Variants in ERP44 observed in about 807,000 individuals in gnomAD.
ERP44 encodes the protein endoplasmic reticulum resident protein 44.
In ERP44, 25 loss-of-function variants were observed where a neutral mutation model predicts 53.4. The observed-to-expected ratio is 0.47, with a 90% CI of 0.34 to 0.65. ERP44 has a LOEUF of 0.65. ERP44 is among the 30% of genes least tolerant of loss of function. The probability of loss-of-function intolerance (pLI) is 0.01; values close to 1 mark genes in which losing one functional copy is unlikely to be tolerated. For synonymous variants in ERP44, 145 were observed against 161.2 expected (o/e 0.90, Z 0.76); for missense variants, 338 against 493.2 (o/e 0.69, Z 2.98).
At chr9:100,054,157 G>A (rs1826065876) in intron 3 of ERP44, among the ~76,000 whole-genome samples, 3 of 152,182 alleles carry the variant, frequency 2.0e-5, no homozygotes, top group African/African-American at 7.2e-5. Flanking sequence ...TCAGGGATAA[G>A]AGGATGGGGT....
chr9:100,057,300 A>G (rs2118713549), intron 3 of ERP44, among the ~76,000 whole-genome samples: 1 of 152,324 alleles, frequency 6.6e-6, no homozygotes, highest in South Asian at 2.1e-4. Flanking sequence ...TGCTGGGAAT[A>G]CTGAGTATGC....
At chr9:100,079,248 G>A (rs1384583154) in intron 1 of ERP44, among the ~76,000 whole-genome samples, 1 of 152,144 alleles carries the variant, frequency 6.6e-6, no homozygotes, top group East Asian at 1.9e-4. Flanking sequence ...TAGCTTCCCA[G>A]CCTACATCCT....
At chr9:100,090,775 A>G (rs1234486063) in intron 1 of ERP44, among the ~76,000 whole-genome samples, 1 of 152,080 alleles carries the variant, frequency 6.6e-6, no homozygotes, top group Non-Finnish European at 1.5e-5. Context: ...ACAACAAAAC[A>G]GCTAAAGAGC....
intron 4 of ERP44, among the ~76,000 whole-genome samples, chr9:100,031,155 A>T (rs1468437383): frequency 6.6e-6 from 1 of 151,476 alleles, no homozygotes. Context: ...CCAGCCTGGA[A>T]AACTGGTTAA....
In ERP44 at chr9:99,979,990, C is replaced by A; in HGVS notation, c.*2622G>T. ...CCATTTCTTTTTCTAGCTTCCCCAA[C>A]CCCAAATGCCTTACTAAAAGAACTT... On this transcript the variant is annotated 3_prime_UTR_variant, in exon 12 of 12. Coordinates refer to ENST00000262455, the MANE Select transcript of ERP44 (RefSeq NM_015051.3). 1 of 398,590 alleles carries A rather than the reference C, an allele frequency of 2.5e-6. No individual in the cohort carries two copies. The highest frequency in any genetic ancestry group is 4.4e-6 in the Non-Finnish European group (1 of 226,048). The allele number at this position is 398,590 out of a possible 1,614,324, so 24.7% of individuals were successfully genotyped here.
At chr9:100,093,897 G>A (rs1826592679) in intron 1 of ERP44, among the ~76,000 whole-genome samples, 2 of 152,170 alleles carry the variant, frequency 1.3e-5, no homozygotes, top group African/African-American at 4.8e-5. Context: ...TTTAATCAAG[G>A]CTACAGGGAA....
intron 4 of ERP44, among the ~76,000 whole-genome samples, chr9:100,032,676 A>C (rs1564094010): frequency 6.6e-6 from 1 of 152,234 alleles, no homozygotes; most frequent in Non-Finnish European, 1.5e-5. Flanking sequence ...AGCAAAATTA[A>C]CTTGTCAATT....
At chr9:100,001,032 T>C (rs1290454481) in intron 10 of ERP44, among the ~76,000 whole-genome samples, 1 of 152,188 alleles carries the variant, frequency 6.6e-6, no homozygotes, top group African/African-American at 2.4e-5. Context: ...AAGTTTTGTT[T>C]GGTATGTTGT....
chr9:100,034,978 ACT>A (rs1459365338), intron 4 of ERP44, among the ~76,000 whole-genome samples: 1 of 152,056 alleles, frequency 6.6e-6, no homozygotes, highest in African/African-American at 2.4e-5. Flanking sequence ...ATGGAAGAAG[ACT>A]CTCTATTCAA....
intron 1 of ERP44, among the ~76,000 whole-genome samples, chr9:100,068,964 T>C (rs928286043): frequency 1.9e-3 from 292 of 152,352 alleles, no homozygotes; most frequent in Non-Finnish European, 3.3e-3. Flanking sequence ...TCTTCTGCCG[T>C]GGGATCCTGT....
intron 1 of ERP44, among the ~76,000 whole-genome samples, chr9:100,080,223 C>T (rs1826408580): frequency 6.6e-6 from 1 of 152,120 alleles, no homozygotes; most frequent in African/African-American, 2.4e-5. Flanking sequence ...GGCCATTTAC[C>T]CTACAATTGA....
At chr9:100,058,902 T>C (rs1212856048) in intron 2 of ERP44, among the ~76,000 whole-genome samples, 1 of 152,248 alleles carries the variant, frequency 6.6e-6, no homozygotes, top group African/African-American at 2.4e-5. Context: ...TATACTTGCT[T>C]ATTCGCTCTA....
chr9:100,068,401 CGGCCAGCCGCCG>C (rs1409534154), intron 1 of ERP44, among the ~76,000 whole-genome samples: 32,674 of 98,110 alleles, frequency 0.33, 7,101 homozygotes, highest in East Asian at 0.83. Flanking sequence ...GCCCCCTGCC[CGGCCAGCCGCCG>C]GGCCAGCCGC....
At chr9:100,090,014 C>T (rs901555276) in intron 1 of ERP44, among the ~76,000 whole-genome samples, 1 of 152,096 alleles carries the variant, frequency 6.6e-6, no homozygotes, top group Non-Finnish European at 1.5e-5. Context: ...TATTTTACAA[C>T]ATTGTAATAC....
chr9:100,064,323 A>G (rs1396336994), intron 1 of ERP44, among the ~76,000 whole-genome samples: 1 of 152,212 alleles, frequency 6.6e-6, no homozygotes, highest in African/African-American at 2.4e-5. Flanking sequence ...ATGAATAGGT[A>G]GATGATGTTA....
chr9:100,005,634 A>G (rs1273837917), intron 10 of ERP44, among the ~76,000 whole-genome samples: 1 of 152,204 alleles, frequency 6.6e-6, no homozygotes, highest in South Asian at 2.1e-4. Context: ...GAGGTAAGTG[A>G]CTTTCCCAAG....
chr9:100,070,029 A>G (rs1010198639), intron 1 of ERP44, among the ~76,000 whole-genome samples: 1 of 152,200 alleles, frequency 6.6e-6, no homozygotes, highest in Non-Finnish European at 1.5e-5. Flanking sequence ...CAATGTGCGG[A>G]AAAAAATTAT....
chr9:100,076,141 G>A (rs1826353194), intron 1 of ERP44, among the ~76,000 whole-genome samples: 1 of 152,156 alleles, frequency 6.6e-6, no homozygotes, highest in African/African-American at 2.4e-5. Context: ...TTTGACTATA[G>A]GTCTTCAAGT....
chr9:100,062,590 T>C (rs72731390), intron 1 of ERP44, among the ~76,000 whole-genome samples: 6,571 of 152,276 alleles, frequency 0.043, 208 homozygotes, highest in Non-Finnish European at 0.065. Context: ...AGGGCACAAA[T>C]GCATACGGCA....
Sources: allele counts gnomAD v4.1 joint callset (sites outside exome capture counted in the v4.1 genomes callset), GRCh38; gene constraint gnomAD v4.1.1; transcripts MANE v1.5; gene names NCBI Gene and HGNC (gene_info 2026-07-23, HGNC 2026-07-21).